The following AUTS2 variants were observed in gnomAD, a reference collection of about 807,000 sequenced individuals.
AUTS2 encodes the protein autism susceptibility gene 2 protein.
Under a neutral mutation model 112.4 loss-of-function variants are expected in AUTS2, and 17 were observed. That is an observed-to-expected ratio of 0.15 (90% CI 0.10 to 0.23). AUTS2 has a LOEUF of 0.23. Ranked by LOEUF, AUTS2 falls within the 10% of genes least tolerant of loss-of-function variation. The pLI is 1.00. For synonymous variants in AUTS2, 751 were observed against 702.7 expected (o/e 1.07, Z -1.09); for missense variants, 1,510 against 1,701.6 (o/e 0.89, Z 1.98).
chr7:70,770,333 A>G (rs759263050), intron 10 of AUTS2, among the ~76,000 whole-genome samples: 1 of 152,254 alleles, frequency 6.6e-6, no homozygotes. Flanking sequence ...AAAGACCAAC[A>G]GAAAAAGGAC....
At chr7:70,292,870 T>G (rs1182561087) in intron 4 of AUTS2, 4 of 152,186 alleles carry the variant, frequency 2.6e-5, no homozygotes, top group African/African-American at 9.6e-5. Flanking sequence ...ATTAACAGTA[T>G]AAATACTCCA....
rs2129543307 is a variant in AUTS2, at chr7:69,925,191, A to G, written c.522+25693A>G. On this transcript the variant is annotated intron_variant, in intron 2 of 18. Coordinates refer to ENST00000342771, the MANE Select transcript of AUTS2 (RefSeq NM_015570.4). ...GTCATATCAGTATGACTGGGAGTTT[A>G]TTAATTTTATTGATCTTCTTGAAGA... 2.6e-5 allele frequency among the ~76,000 whole-genome samples: 4 copies of G among 152,034 alleles called. 1 individual carries two copies. The Middle Eastern group carries it at 0.01, about 388-fold the overall frequency.
chr7:70,639,662 A>G (rs574972889), intron 5 of AUTS2, among the ~76,000 whole-genome samples: 2 of 145,138 alleles, frequency 1.4e-5, no homozygotes, highest in African/African-American at 5.2e-5. Flanking sequence ...CCCCACTGGG[A>G]CCTTGCAGAC....
At chr7:70,211,102 TCA>T (rs1205610630) in intron 4 of AUTS2, among the ~76,000 whole-genome samples, 3 of 152,164 alleles carry the variant, frequency 2.0e-5, no homozygotes. Context: ...TGTGTCTATT[TCA>T]CAGTCGGTGC....
chr7:70,274,184 A>G (rs1052911019), intron 4 of AUTS2, among the ~76,000 whole-genome samples: 12 of 151,062 alleles, frequency 7.9e-5, no homozygotes, highest in Non-Finnish European at 3.0e-5. Flanking sequence ...AGTTCTTGAT[A>G]TTTTCTTCTG....
At chr7:70,121,647 T>G (rs1805687653) in intron 3 of AUTS2, among the ~76,000 whole-genome samples, 2 of 152,142 alleles carry the variant, frequency 1.3e-5, no homozygotes, top group Non-Finnish European at 1.5e-5. Context: ...CCTAGTAGGA[T>G]GGTTATGCTT....
In AUTS2 at chr7:70,669,519, G is replaced by A. The variant is rs147375426; in HGVS notation, c.691-29050G>A. Among the ~76,000 whole-genome samples, 183 of 152,268 alleles carry A rather than the reference G, an allele frequency of 1.2e-3. 2 individuals carry two copies. The East Asian group carries it at 0.019, about 15-fold the overall frequency. ...TCAGTGCATTTAGTCCAGCACCCTC[G>A]AATTATAGGTGAGGGAACTGAGGCT... is the stretch of plus-strand genomic sequence containing the variant. On this transcript the variant is annotated intron_variant, in intron 5 of 18. Coordinates refer to ENST00000342771, the MANE Select transcript of AUTS2 (RefSeq NM_015570.4).
At chr7:70,067,442 A>G (rs556681788) in intron 2 of AUTS2, among the ~76,000 whole-genome samples, 2 of 152,356 alleles carry the variant, frequency 1.3e-5, no homozygotes, top group South Asian at 2.1e-4. Flanking sequence ...TCACTTTTAT[A>G]CACCACTAGA....
At chr7:70,729,238 A>G (rs1045056107) in intron 6 of AUTS2, 1 of 455,778 alleles carries the variant, frequency 2.2e-6, no homozygotes, top group Non-Finnish European at 4.4e-6. Flanking sequence ...TGGCTGGGCC[A>G]GTGCGGACCC....
chr7:70,386,653 T>G (rs1793621942), intron 4 of AUTS2, among the ~76,000 whole-genome samples: 1 of 152,192 alleles, frequency 6.6e-6, no homozygotes, highest in Non-Finnish European at 1.5e-5. Flanking sequence ...TCTAAAAATG[T>G]TTTTTTCTAA....
At chr7:70,180,332 G>A (rs1809229768) in intron 4 of AUTS2, among the ~76,000 whole-genome samples, 1 of 152,164 alleles carries the variant, frequency 6.6e-6, no homozygotes, top group Admixed American at 6.5e-5. Flanking sequence ...GATGAATGTA[G>A]TACAGAATTC....
intron 1 of AUTS2, among the ~76,000 whole-genome samples, chr7:69,655,381 GTTT>G (rs1180178846): frequency 4.7e-5 from 4 of 85,022 alleles, no homozygotes; most frequent in African/African-American, 9.6e-5. Flanking sequence ...TGACTTTCTA[GTTT>G]TTTGTTGTTG....
chr7:70,764,638 G>T, intron 7 of AUTS2, 114 bp from the exon 8 acceptor site: 1 of 650,730 alleles, frequency 1.5e-6, no homozygotes. Context: ...AAAGAGGAAG[G>T]GGCAAGAGAG....
intron 2 of AUTS2, among the ~76,000 whole-genome samples, chr7:70,009,175 A>C (rs1254320327): frequency 6.6e-6 from 1 of 152,114 alleles, no homozygotes; most frequent in Non-Finnish European, 1.5e-5. Context: ...AGAGCATGAG[A>C]GCAAGAGGAA....
At chr7:70,010,658 A>T (rs923831527) in intron 2 of AUTS2, among the ~76,000 whole-genome samples, 1 of 152,182 alleles carries the variant, frequency 6.6e-6, no homozygotes, top group Non-Finnish European at 1.5e-5. Flanking sequence ...TTTGCAGTTG[A>T]TACTACAGCA....
At chr7:69,978,516 T>C (rs1798149880) in intron 2 of AUTS2, among the ~76,000 whole-genome samples, 1 of 152,116 alleles carries the variant, frequency 6.6e-6, no homozygotes, top group Non-Finnish European at 1.5e-5. Context: ...ATAAGAAGTG[T>C]TCCTCTGAAA....
chr7:70,672,492 C>T (rs1054509523), intron 5 of AUTS2, among the ~76,000 whole-genome samples: 7 of 152,208 alleles, frequency 4.6e-5, no homozygotes, highest in Non-Finnish European at 1.0e-4. Flanking sequence ...ACCTGCTAAG[C>T]TCATAAACGT....
At chr7:69,976,288 T>G (rs1432333192) in intron 2 of AUTS2, among the ~76,000 whole-genome samples, 1 of 152,244 alleles carries the variant, frequency 6.6e-6, no homozygotes, top group African/African-American at 2.4e-5. Flanking sequence ...TTTCACTTCA[T>G]AATATCCTCA....
At chr7:69,622,781 T>G (rs887492066) in intron 1 of AUTS2, among the ~76,000 whole-genome samples, 2 of 152,206 alleles carry the variant, frequency 1.3e-5, no homozygotes, top group African/African-American at 4.8e-5. Context: ...CAGAAAAGCC[T>G]TGGCCAAATA....
Sources: allele counts gnomAD v4.1 joint callset (sites outside exome capture counted in the v4.1 genomes callset), GRCh38; gene constraint gnomAD v4.1.1; transcripts MANE v1.5; gene names NCBI Gene and HGNC (gene_info 2026-07-23, HGNC 2026-07-21).